The following PCDH9 variants were observed in gnomAD, a reference collection of about 807,000 sequenced individuals.
The protein encoded by PCDH9 is protocadherin-9.
In PCDH9, 24 loss-of-function variants were observed where a neutral mutation model predicts 70.6. The observed-to-expected ratio is 0.34, with a 90% CI of 0.25 to 0.48. PCDH9 has a LOEUF of 0.48. Among genes scored for constraint, PCDH9 ranks in the 20% least tolerant of loss-of-function variants. The probability of loss-of-function intolerance (pLI) is 0.99; values close to 1 mark genes in which losing one functional copy is unlikely to be tolerated. For synonymous variants in PCDH9, 562 were observed against 558.5 expected (o/e 1.01, Z -0.09); for missense variants, 1,281 against 1,503.6 (o/e 0.85, Z 2.45).
chr13:67,166,647 T>C (rs1021729427), intron 2 of PCDH9, among the ~76,000 whole-genome samples: 18 of 152,108 alleles, frequency 1.2e-4, no homozygotes, highest in Non-Finnish European at 2.1e-4. Context: ...TCAGTAAAAA[T>C]TTTTGAGTTT....
At chr13:66,852,612 A>G (rs1300632294) in intron 3 of PCDH9, among the ~76,000 whole-genome samples, 2 of 152,280 alleles carry the variant, frequency 1.3e-5, no homozygotes, top group South Asian at 2.1e-4. Context: ...TACCAACTTC[A>G]TCTTCCTAAT....
chr13:66,735,432 C>T (rs746109195), intron 3 of PCDH9, among the ~76,000 whole-genome samples: 12 of 152,048 alleles, frequency 7.9e-5, no homozygotes, highest in Non-Finnish European at 1.6e-4. Context: ...ATATCACATA[C>T]ATTTACACAG....
chr13:66,837,049 G>C (rs1466891762), intron 3 of PCDH9, among the ~76,000 whole-genome samples: 1 of 152,144 alleles, frequency 6.6e-6, no homozygotes, highest in African/African-American at 2.4e-5. Flanking sequence ...CACCTGTGTG[G>C]AAACAATGAG....
intron 3 of PCDH9, among the ~76,000 whole-genome samples, chr13:66,654,170 G>C (rs183204654): frequency 2.1e-4 from 32 of 152,172 alleles, no homozygotes; most frequent in Admixed American, 1.8e-3. Context: ...CAACAACATG[G>C]ATGGAACTGG....
chr13:66,586,533 A>G (rs1272795373), intron 4 of PCDH9, among the ~76,000 whole-genome samples: 1 of 152,156 alleles, frequency 6.6e-6, no homozygotes, highest in Non-Finnish European at 1.5e-5. Flanking sequence ...AGGCTAGCCC[A>G]GGCTGCTTGG....
At chr13:66,865,313 A>G (rs2081554510) in intron 3 of PCDH9, among the ~76,000 whole-genome samples, 1 of 152,174 alleles carries the variant, frequency 6.6e-6, no homozygotes, top group African/African-American at 2.4e-5. Flanking sequence ...AATACTAATA[A>G]TGTACCAACA....
intron 3 of PCDH9, among the ~76,000 whole-genome samples, chr13:66,842,444 C>A (rs983380123): frequency 6.6e-6 from 1 of 152,120 alleles, no homozygotes; most frequent in Admixed American, 6.6e-5. Context: ...TCCTCTCTCG[C>A]CCTTTTCCTT....
chr13:66,425,762 A>G (rs1429015689), intron 4 of PCDH9, among the ~76,000 whole-genome samples: 3 of 151,846 alleles, frequency 2.0e-5, no homozygotes, highest in Middle Eastern at 3.4e-3. Context: ...ATACAGAATC[A>G]TTCTGGTTAG....
chr13:67,086,026 A>C (rs1385076374), intron 2 of PCDH9, among the ~76,000 whole-genome samples: 1 of 152,178 alleles, frequency 6.6e-6, no homozygotes, highest in African/African-American at 2.4e-5. Flanking sequence ...TTTATAACTA[A>C]GGAAAATATT....
chr13:66,926,851 CA>C (rs139736542), intron 2 of PCDH9, among the ~76,000 whole-genome samples: 6,463 of 151,798 alleles, frequency 0.043, 436 homozygotes, highest in African/African-American at 0.15. Context: ...GATAGATACA[CA>C]AAAAAATCAG....
chr13:66,540,063 A>G (rs1960885052), intron 4 of PCDH9, among the ~76,000 whole-genome samples: 1 of 151,470 alleles, frequency 6.6e-6, no homozygotes, highest in Middle Eastern at 3.4e-3. Flanking sequence ...TTTTGCAGAG[A>G]CAGGGTTTCA....
chr13:66,483,933 A>C (rs543632220), intron 4 of PCDH9, among the ~76,000 whole-genome samples: 66 of 152,206 alleles, frequency 4.3e-4, no homozygotes, highest in African/African-American at 1.4e-3. Context: ...GTTGTATGGC[A>C]ATCGGACATC....
At chr13:66,893,357 G>C (rs1204632105) in intron 3 of PCDH9, among the ~76,000 whole-genome samples, 1 of 152,106 alleles carries the variant, frequency 6.6e-6, no homozygotes, top group African/African-American at 2.4e-5. Flanking sequence ...CCAATCCTGG[G>C]TCTGCTGCCA....
rs538015658 is a variant in PCDH9, at chr13:67,004,813, T to G, written c.3037-101208A>C. Reference sequence around the variant, plus strand: ...TATCAAATTTATGGGATTTGGGGAATGATTAAATGAGATATTTTATTTAAG... The same window carrying G: ...TATCAAATTTATGGGATTTGGGGAAGGATTAAATGAGATATTTTATTTAAG... On this transcript the variant is annotated intron_variant, in intron 2 of 4. Coordinates refer to ENST00000377865, the MANE Select transcript of PCDH9 (RefSeq NM_203487.3). Among the ~76,000 whole-genome samples, 18 of 152,162 alleles carry G rather than the reference T, an allele frequency of 1.2e-4. No homozygotes were observed. In the East Asian group the frequency reaches 2.7e-3, roughly 23 times the overall value.
intron 2 of PCDH9, among the ~76,000 whole-genome samples, chr13:66,988,240 C>G (rs983346596): frequency 6.6e-6 from 1 of 151,882 alleles, no homozygotes; most frequent in African/African-American, 2.4e-5. Context: ...TTAATTGAGG[C>G]CATAGAAATT....
At chr13:66,844,850 G>A (rs1292639363) in intron 3 of PCDH9, among the ~76,000 whole-genome samples, 1 of 151,862 alleles carries the variant, frequency 6.6e-6, no homozygotes, top group Non-Finnish European at 1.5e-5. Context: ...TACTCTCTAG[G>A]GCAAAGAAAA....
chr13:66,641,333 T>G (rs1437136490), intron 3 of PCDH9, among the ~76,000 whole-genome samples: 1 of 152,158 alleles, frequency 6.6e-6, no homozygotes, highest in Non-Finnish European at 1.5e-5. Flanking sequence ...TAGCATAGGA[T>G]TCACAAAAAC....
chr13:66,630,145 A>C (rs962496544), intron 4 of PCDH9, among the ~76,000 whole-genome samples: 6 of 152,350 alleles, frequency 3.9e-5, no homozygotes, highest in Admixed American at 1.3e-4. Context: ...ACAAACAAAC[A>C]AGCAAAAATA....
At chr13:66,785,333 G>A (rs918169612) in intron 3 of PCDH9, among the ~76,000 whole-genome samples, 1 of 151,746 alleles carries the variant, frequency 6.6e-6, no homozygotes, top group Non-Finnish European at 1.5e-5. Flanking sequence ...AAAGACTTGA[G>A]TGTTTTTAGT....
Sources: allele counts gnomAD v4.1 joint callset (sites outside exome capture counted in the v4.1 genomes callset), GRCh38; gene constraint gnomAD v4.1.1; transcripts MANE v1.5; gene names NCBI Gene and HGNC (gene_info 2026-07-23, HGNC 2026-07-21).